The following CTNNA2 variants were observed in gnomAD, a reference collection of about 807,000 sequenced individuals.
CTNNA2 encodes catenin alpha-2.
CTNNA2 carries 42 observed loss-of-function variants against 101.0 expected under a neutral mutation model. The ratio of observed to expected loss-of-function variants is 0.42; its 90% CI spans 0.32 to 0.54. The LOEUF is 0.54. Among genes scored for constraint, CTNNA2 ranks in the 20% least tolerant of loss-of-function variants. CTNNA2 has a pLI of 0.14. For missense variants in CTNNA2, 871 were observed against 1,223.1 expected (o/e 0.71, Z 4.29); for synonymous variants, 450 against 456.4 (o/e 0.99, Z 0.18).
intron 7 of CTNNA2, chr2:80,299,068 G>A (rs546514320): frequency 2.0e-5 from 3 of 152,226 alleles, no homozygotes; most frequent in Admixed American, 1.3e-4. Context: ...AGCTGGGAAG[G>A]TACTGCAAAT....
chr2:79,553,020 T>C (rs1342639354), intron 1 of CTNNA2, among the ~76,000 whole-genome samples: 1 of 152,116 alleles, frequency 6.6e-6, no homozygotes, highest in African/African-American at 2.4e-5. Context: ...AGAAAATGGG[T>C]TTTTCTTTTC....
chr2:79,960,507 G>C lies in CTNNA2; in HGVS notation c.1056+50710G>C, dbSNP rs370985324. Among the ~76,000 whole-genome samples the C allele has an allele frequency of 4.6e-5, 7 of 152,298 alleles. No individual in the cohort carries two copies. In the East Asian group the frequency reaches 7.7e-4, roughly 17 times the overall value. On this transcript the variant is annotated intron_variant, in intron 7 of 18. Transcript: ENST00000402739. ...TGCTTTAATGTTGCTTGTTCAGGTA[G>C]CAAAGCCATTAGCTACTTCTTGATA...
chr2:79,585,403 C>A (rs2103936949), intron 1 of CTNNA2, among the ~76,000 whole-genome samples: 1 of 151,970 alleles, frequency 6.6e-6, no homozygotes, highest in East Asian at 1.9e-4. Flanking sequence ...GTAGTACTGA[C>A]AATAGTGGAT....
chr2:80,428,109 A>G lies in CTNNA2; in HGVS notation c.1290+8508A>G, dbSNP rs73941122. On this transcript the variant is annotated intron_variant, in intron 9 of 18. Coordinates refer to ENST00000402739, the MANE Select transcript of CTNNA2 (RefSeq NM_001282597.3). ...GAAGAACATTCCAGACTGTGAAAAA[A>G]ACAAGTCCAAAGACCCCAGGGCAGC... Among the ~76,000 whole-genome samples the G allele has an allele frequency of 1.6e-3, 248 of 152,302 alleles. 1 individual carries two copies. The highest frequency in any genetic ancestry group is 5.5e-3 in the African/African-American group (228 of 41,576).
At chr2:79,590,713 T>A (rs887201022) in intron 1 of CTNNA2, among the ~76,000 whole-genome samples, 1 of 152,196 alleles carries the variant, frequency 6.6e-6, no homozygotes, top group Admixed American at 6.5e-5. Context: ...TTACGTTTTT[T>A]TCATGTTGCA....
chr2:79,418,088 G>C (rs1025638236), intron 4 of CTNNA2, among the ~76,000 whole-genome samples: 2 of 152,076 alleles, frequency 1.3e-5, no homozygotes, highest in African/African-American at 4.8e-5. Context: ...AGTTGAAGCT[G>C]TCCTCTTACA....
intron 4 of CTNNA2, among the ~76,000 whole-genome samples, chr2:79,490,986 T>C (rs935740381): frequency 2.6e-5 from 4 of 152,196 alleles, no homozygotes; most frequent in Non-Finnish European, 5.9e-5. Flanking sequence ...ATACAGTTTC[T>C]GTGAAACTGT....
At chr2:79,273,322 C>G (rs946304449) in intron 2 of CTNNA2, among the ~76,000 whole-genome samples, 1 of 151,914 alleles carries the variant, frequency 6.6e-6, no homozygotes, top group Non-Finnish European at 1.5e-5. Flanking sequence ...ATAATTAATC[C>G]TTTTTCCATT....
chr2:80,105,745 A>G (rs532403521), intron 7 of CTNNA2, among the ~76,000 whole-genome samples: 1 of 152,196 alleles, frequency 6.6e-6, no homozygotes, highest in South Asian at 2.1e-4. Context: ...AAAAAAAAAA[A>G]GATTGAACTT....
intron 7 of CTNNA2, among the ~76,000 whole-genome samples, chr2:80,296,673 C>T (rs547437098): frequency 1.3e-5 from 2 of 152,170 alleles, no homozygotes; most frequent in Non-Finnish European, 2.9e-5. Flanking sequence ...TAGATAGCAC[C>T]ATTACTTTCT....
At chr2:79,232,453 A>G (rs1674504469) in intron 2 of CTNNA2, among the ~76,000 whole-genome samples, 1 of 152,000 alleles carries the variant, frequency 6.6e-6, no homozygotes, top group Non-Finnish European at 1.5e-5. Flanking sequence ...TTCTGGATTC[A>G]GTTTGTCGAG....
chr2:79,744,231 G>C (rs528265285), intron 2 of CTNNA2, among the ~76,000 whole-genome samples, 156 bp from the exon 3 acceptor site: 67 of 152,270 alleles, frequency 4.4e-4, no homozygotes, highest in African/African-American at 1.5e-3. Context: ...CACTTTCCTT[G>C]ATAAGGTTAT....
intron 5 of CTNNA2, among the ~76,000 whole-genome samples, chr2:79,505,367 C>T (rs1405635549): frequency 6.6e-6 from 1 of 152,042 alleles, no homozygotes; most frequent in Non-Finnish European, 1.5e-5. Context: ...CTTTTTCTTC[C>T]TGGGCTTGGA....
chr2:80,059,040 T>G (rs1454111166), intron 7 of CTNNA2, among the ~76,000 whole-genome samples: 4 of 152,206 alleles, frequency 2.6e-5, no homozygotes, highest in Admixed American at 2.6e-4. Flanking sequence ...TTAAAATGTA[T>G]CAAATTATTG....
At chr2:80,632,614 A>G (rs938073311) in intron 18 of CTNNA2, among the ~76,000 whole-genome samples, 1 of 152,060 alleles carries the variant, frequency 6.6e-6, no homozygotes, top group Non-Finnish European at 1.5e-5. Context: ...GAAGAAGAAA[A>G]CTTCTTTTAG....
intron 4 of CTNNA2, among the ~76,000 whole-genome samples, chr2:79,379,863 G>A (rs1345922228): frequency 6.6e-6 from 1 of 152,146 alleles, no homozygotes; most frequent in Non-Finnish European, 1.5e-5. Context: ...GGAAGAGAGG[G>A]TGGAAGAAAG....
chr2:79,989,306 C>A (rs1574483089), intron 7 of CTNNA2, among the ~76,000 whole-genome samples: 3 of 152,182 alleles, frequency 2.0e-5, no homozygotes, highest in African/African-American at 4.8e-5. Context: ...GCACTTCTTC[C>A]TCTTCCATGG....
At chr2:79,420,168 C>A (rs535956984) in intron 4 of CTNNA2, among the ~76,000 whole-genome samples, 3 of 152,072 alleles carry the variant, frequency 2.0e-5, no homozygotes, top group Non-Finnish European at 2.9e-5. Context: ...AAAAAAGTGA[C>A]AAAAGACAGC....
intron 4 of CTNNA2, among the ~76,000 whole-genome samples, chr2:79,460,152 A>G (rs914523896): frequency 9.9e-5 from 15 of 152,138 alleles, no homozygotes; most frequent in African/African-American, 3.1e-4. Flanking sequence ...CTTGTTGAAT[A>G]TCTCTACCTG....
Sources: allele counts gnomAD v4.1 joint callset (sites outside exome capture counted in the v4.1 genomes callset), GRCh38; gene constraint gnomAD v4.1.1; transcripts MANE v1.5; gene names NCBI Gene and HGNC (gene_info 2026-07-23, HGNC 2026-07-21).